Variants in TAFA1 observed in about 807,000 individuals in gnomAD.
TAFA1 encodes TAFA chemokine like family member 1.
A neutral mutation model predicts 18.5 loss-of-function variants in TAFA1; 4 were observed. That is an observed-to-expected ratio of 0.22 (90% CI 0.11 to 0.49). TAFA1 has a LOEUF of 0.49. Ranked by LOEUF, TAFA1 falls within the 20% of genes least tolerant of loss-of-function variation. TAFA1 has a pLI of 0.98. For missense variants in TAFA1, 147 were observed against 169.0 expected (o/e 0.87, Z 0.72); for synonymous variants, 56 against 55.2 (o/e 1.01, Z -0.06).
the TAFA1 span, among the ~76,000 whole-genome samples, chr3:67,994,695 C>T: frequency 6.6e-6 from 1 of 152,154 alleles, no homozygotes; most frequent in Admixed American, 6.6e-5. Flanking sequence ...TTAATGACTC[C>T]TGATTAATGT....
At chr3:68,124,903 G>A (rs1290330287) in intron 2 of TAFA1, among the ~76,000 whole-genome samples, 4 of 152,200 alleles carry the variant, frequency 2.6e-5, no homozygotes, top group African/African-American at 9.7e-5. Flanking sequence ...AAAATAAGGG[G>A]AGGCAGGTTA....
chr3:68,272,519 G>A (rs1171442015), intron 2 of TAFA1, among the ~76,000 whole-genome samples: 1 of 152,054 alleles, frequency 6.6e-6, no homozygotes, highest in African/African-American at 2.4e-5. Context: ...TGCAATAAAT[G>A]GAACATAATG....
intron 3 of TAFA1, among the ~76,000 whole-genome samples, chr3:68,419,224 C>T (rs928121366): frequency 1.3e-5 from 2 of 152,154 alleles, no homozygotes; most frequent in Non-Finnish European, 1.5e-5. Flanking sequence ...TACCCACTAG[C>T]CCCTATTCAT....
chr3:68,239,973 A>T (rs1487961258), intron 2 of TAFA1, among the ~76,000 whole-genome samples: 3 of 152,168 alleles, frequency 2.0e-5, no homozygotes, highest in African/African-American at 4.8e-5. Flanking sequence ...CTGAAATCTG[A>T]TGTTCACAGG....
rs11127865 is a variant in TAFA1, at chr3:68,106,616, T to A, written c.118+99872T>A. ...TAAGCTTTATGAATACAAAAATCTA[T>A]GCTTTATAAAATACACTGTTAAGAA... On this transcript the variant is annotated intron_variant, in intron 2 of 4. Transcript: ENST00000478136. Among the ~76,000 whole-genome samples, 994 of 152,122 alleles carry A rather than the reference T, an allele frequency of 6.5e-3. 8 individuals carry two copies. Among genetic ancestry groups the A allele is most frequent in the African/African-American group, 0.023 (944 of 41,492 alleles).
intron 3 of TAFA1, 146 bp downstream of exon 3, chr3:68,417,566 A>G: frequency 1.3e-6 from 1 of 751,150 alleles, no homozygotes; most frequent in Non-Finnish European, 2.2e-6. Flanking sequence ...GCCTCAGCAG[A>G]GTTTGAATTC....
rs572444156 is a variant in TAFA1, at chr3:68,372,565, C to T, written c.119-44715C>T. Reference sequence around the variant, plus strand: ...TGCCATTTTTACTAATTGTTAATCACATGACAAATAGCCTAGCATGCAACC... The same window carrying T: ...TGCCATTTTTACTAATTGTTAATCATATGACAAATAGCCTAGCATGCAACC... On this transcript the variant is annotated intron_variant, in intron 2 of 4. Transcript: ENST00000478136. Among the ~76,000 whole-genome samples, 10 of 152,250 alleles carry T rather than the reference C, an allele frequency of 6.6e-5. No homozygotes were observed. In the South Asian group the frequency reaches 2.1e-3, roughly 32 times the overall value.
intron 2 of TAFA1, among the ~76,000 whole-genome samples, chr3:68,206,186 G>C (rs1235441398): frequency 2.0e-5 from 3 of 151,792 alleles, no homozygotes; most frequent in Non-Finnish European, 4.4e-5. Flanking sequence ...GAAATAGTTT[G>C]AAAGAGATAT....
chr3:68,269,018 T>C lies in TAFA1; in HGVS notation c.119-148262T>C, dbSNP rs188283985. On this transcript the variant is annotated intron_variant, in intron 2 of 4. Coordinates refer to ENST00000478136, the MANE Select transcript of TAFA1 (RefSeq NM_213609.4). ...CTACCTTCCTTCATTCCTCCCTTCTTTCCTTCCCTTCTTTCTCATCTCTAA... is the reference window on the plus strand; with the variant it reads ...CTACCTTCCTTCATTCCTCCCTTCTCTCCTTCCCTTCTTTCTCATCTCTAA... Among the ~76,000 whole-genome samples, 454 of 152,292 alleles carry C rather than the reference T, an allele frequency of 3.0e-3. 2 individuals carry two copies. The highest frequency in any genetic ancestry group is 8.9e-3 in the South Asian group (43 of 4,828).
intron 2 of TAFA1, among the ~76,000 whole-genome samples, chr3:68,302,666 C>T (rs2068326709): frequency 6.6e-6 from 1 of 151,898 alleles, no homozygotes. Context: ...ATCGAAGGTG[C>T]TAACTAAATA....
At position 68,317,837 on chromosome 3, in the gene TAFA1, T is replaced by C. The variant is rs1158227343; in HGVS notation, c.119-99443T>C. On this transcript the variant is annotated intron_variant, in intron 2 of 4. Coordinates refer to ENST00000478136, the MANE Select transcript of TAFA1 (RefSeq NM_213609.4). ...AGGTGGTTTTTATATTTGCTGTTTT[T>C]ATTTATTATTTAATGTTGTACTTGT... Among the ~76,000 whole-genome samples the C allele has an allele frequency of 2.0e-5, 3 of 152,172 alleles. No individual in the cohort carries two copies. In the East Asian group the frequency reaches 5.8e-4, roughly 29 times the overall value.
chr3:68,283,298 T>G (rs1442342096), intron 2 of TAFA1, among the ~76,000 whole-genome samples: 1 of 152,222 alleles, frequency 6.6e-6, no homozygotes, highest in African/African-American at 2.4e-5. Flanking sequence ...GATTCAGTCT[T>G]ATAGTCTGAC....
chr3:68,511,730 C>CCTGA (rs931930135), intron 3 of TAFA1, among the ~76,000 whole-genome samples: 1 of 151,944 alleles, frequency 6.6e-6, no homozygotes, highest in Non-Finnish European at 1.5e-5. Context: ...AACTTAATTT[C>CCTGA]CTGATTGTAA....
chr3:68,533,198 T>A (rs760330616), intron 3 of TAFA1, among the ~76,000 whole-genome samples: 1 of 151,982 alleles, frequency 6.6e-6, no homozygotes, highest in Non-Finnish European at 1.5e-5. Flanking sequence ...CTGGGTAATT[T>A]ATAAAGAAGA....
At chr3:68,091,125 C>G (rs1447679859) in intron 2 of TAFA1, among the ~76,000 whole-genome samples, 1 of 152,024 alleles carries the variant, frequency 6.6e-6, no homozygotes, top group Non-Finnish European at 1.5e-5. Context: ...AAAGATTTAC[C>G]CTATAAAATG....
chr3:68,320,668 A>G (rs1406029872), intron 2 of TAFA1, among the ~76,000 whole-genome samples: 1 of 152,074 alleles, frequency 6.6e-6, no homozygotes, highest in Non-Finnish European at 1.5e-5. Flanking sequence ...GCTAATACCC[A>G]TCTCTTCTTT....
At chr3:68,227,359 T>C (rs2066814962) in intron 2 of TAFA1, among the ~76,000 whole-genome samples, 1 of 152,178 alleles carries the variant, frequency 6.6e-6, no homozygotes, top group Non-Finnish European at 1.5e-5. Flanking sequence ...GCAATGAAAT[T>C]ATGGTTTGGG....
At chr3:68,113,888 GTTTTTTTTGTTTTTTTTTT>G (rs958088786) in intron 2 of TAFA1, among the ~76,000 whole-genome samples, 4 of 57,862 alleles carry the variant, frequency 6.9e-5, no homozygotes, top group African/African-American at 2.8e-4. Context: ...TTGGGGTGTA[GTTTTTTTTGTTTTTTTTTT>G]TTTTTTTTTT....
intron 2 of TAFA1, among the ~76,000 whole-genome samples, chr3:68,338,358 T>C (rs2069012953): frequency 6.6e-6 from 1 of 152,232 alleles, no homozygotes. Context: ...TTTTGTTTTA[T>C]TAGTGGTTTC....
Sources: allele counts gnomAD v4.1 joint callset (sites outside exome capture counted in the v4.1 genomes callset), GRCh38; gene constraint gnomAD v4.1.1; transcripts MANE v1.5; gene names NCBI Gene and HGNC (gene_info 2026-07-23, HGNC 2026-07-21).